Variants in EOGT observed in about 807,000 individuals in gnomAD.
The protein encoded by EOGT is EGF domain specific O-linked N-acetylglucosamine transferase.
A neutral mutation model predicts 70.5 loss-of-function variants in EOGT; 55 were observed. That is an observed-to-expected ratio of 0.78 (90% CI 0.63 to 0.98). The LOEUF is 0.98. Ranked by LOEUF, EOGT falls within the 50% of genes least tolerant of loss-of-function variation. The pLI, the probability that EOGT is intolerant of heterozygous loss-of-function variation, is 0.00. For missense variants in EOGT, 703 were observed against 641.9 expected (o/e 1.10, Z -1.03); for synonymous variants, 246 against 217.1 (o/e 1.13, Z -1.17).
At position 68,984,338 on chromosome 3, in the gene EOGT, G is replaced by A. The variant is rs554998776; in HGVS notation, c.1153-1466C>T. Among the ~76,000 whole-genome samples the A allele has an allele frequency of 5.3e-5, 8 of 152,272 alleles. No homozygotes were observed. The South Asian group carries it at 1.0e-3, about 20-fold the overall frequency. On this transcript the variant is annotated intron_variant, in intron 14 of 17. Coordinates refer to ENST00000383701, the MANE Select transcript of EOGT (RefSeq NM_001278689.2). Reference sequence around the variant, plus strand: ...AAGAAGATTAGAATTCTGTTTTACAGGAGAGATGGCAGATGGCATAAGCCT... The same window carrying A: ...AAGAAGATTAGAATTCTGTTTTACAAGAGAGATGGCAGATGGCATAAGCCT...
chr3:69,003,978 T>A (rs1241124023), intron 8 of EOGT, among the ~76,000 whole-genome samples: 4 of 152,208 alleles, frequency 2.6e-5, no homozygotes, highest in Admixed American at 2.6e-4. Flanking sequence ...GCTCAAGTAA[T>A]ACTTCTACCT....
intron 10 of EOGT, among the ~76,000 whole-genome samples, chr3:68,992,178 TAACTC>T (rs1259531544): frequency 2.0e-5 from 3 of 152,104 alleles, no homozygotes; most frequent in Admixed American, 6.6e-5. Flanking sequence ...CCAAAAGTCT[TAACTC>T]ATTTCAGCAC....
chr3:68,978,288 A>G (rs775981841), intron 17 of EOGT, 45 bp downstream of exon 17: 4 of 1,395,438 alleles, frequency 2.9e-6, no homozygotes, highest in African/African-American at 2.8e-5. Context: ...GATACTTTAA[A>G]CCAATTAAAA....
At position 68,981,915 on chromosome 3, in the gene EOGT, T is replaced by C. The variant is rs191316158; in HGVS notation, c.1214+896A>G. Among the ~76,000 whole-genome samples, 237 of 152,124 alleles carry C rather than the reference T, an allele frequency of 1.6e-3. 1 individual carries two copies. The highest frequency in any genetic ancestry group is 2.2e-3 in the Non-Finnish European group (150 of 67,992). ...TAAATTTTGAACTAGTTGCCAATTT[T>C]TTTTTTTTTGAGACAGAGCCTCGTA... On this transcript the variant is annotated intron_variant, in intron 15 of 17. Transcript: ENST00000383701.
chr3:69,001,429 T>C (rs2091290274), intron 9 of EOGT, among the ~76,000 whole-genome samples, 179 bp downstream of exon 9: 1 of 152,168 alleles, frequency 6.6e-6, no homozygotes, highest in Non-Finnish European at 1.5e-5. Context: ...AATGCCCAAG[T>C]TATAAAATAA....
intron 3 of EOGT, 76 bp from the exon 4 acceptor site, chr3:69,009,936 A>AACAAC (rs35412660): frequency 3.6e-6 from 2 of 551,130 alleles, no homozygotes; most frequent in Admixed American, 4.2e-5. Flanking sequence ...ACAACAACAA[A>AACAAC]AAAAAAAAAA....
chr3:69,004,501 T>C lies in EOGT; in HGVS notation c.516-19A>G, dbSNP rs2091388710. The C allele has an allele frequency of 1.3e-6, 2 of 1,568,736 alleles. No individual in the cohort carries two copies. The highest frequency in any genetic ancestry group is 1.7e-5 in the Admixed American group (1 of 59,694). ...CTTAAATCTGGTATATAACAAAACA[T>C]TAAGTTAAGTTCAGAAAACGTCTTC... is the stretch of plus-strand genomic sequence containing the variant. On this transcript the variant is annotated intron_variant, in intron 7 of 17. Coordinates refer to ENST00000383701, the MANE Select transcript of EOGT (RefSeq NM_001278689.2).
chr3:69,007,938 T>C, intron 5 of EOGT, 117 bp from the exon 6 acceptor site: 1 of 659,332 alleles, frequency 1.5e-6, no homozygotes, highest in Non-Finnish European at 2.5e-6. Context: ...TGTTACAGTA[T>C]ATTATCATAG....
chr3:68,979,772 T>G lies in EOGT; in HGVS notation c.1230A>C (p.Leu410Phe). The G allele has an allele frequency of 1.9e-6, 3 of 1,613,536 alleles. No homozygotes were observed. Among genetic ancestry groups the G allele is most frequent in the Non-Finnish European group, 2.5e-6 (3 of 1,179,606 alleles). Reference protein sequence around the residue: ...VDYKYRELGFLDQLRITHNTD... With the variant: ...VDYKYRELGFFDQLRITHNTD... Reference sequence around the variant, plus strand: ...TGTTGTGTGTGATCCTTAGTTGATCTAAAAACCCAAGTTCTCTGTGAACAT... The same window carrying G: ...TGTTGTGTGTGATCCTTAGTTGATCGAAAAACCCAAGTTCTCTGTGAACAT... Residue 410 changes from leucine (L) to phenylalanine (F), a missense_variant, in exon 16 of 18, where the codon TTA becomes TTC. Transcript: ENST00000383701.
At position 68,988,588 on chromosome 3, in the gene EOGT, A is replaced by C; in HGVS notation, c.925-11T>G. ...TTCTTTAAAACATACCTAAGAACAAAGATACATTAAAAGAAGATGTAATTT... is the reference window on the plus strand; with the variant it reads ...TTCTTTAAAACATACCTAAGAACAACGATACATTAAAAGAAGATGTAATTT... On this transcript the variant is annotated splice_polypyrimidine_tract_variant and intron_variant, in intron 11 of 17. Transcript: ENST00000383701. 6.7e-7 allele frequency: 1 copy of C among 1,496,294 alleles called. No homozygotes were observed. Among genetic ancestry groups the C allele is most frequent in the South Asian group, 1.2e-5 (1 of 80,732 alleles). 92.7% of individuals were successfully genotyped at this position (1,496,294 alleles called of 1,614,324 possible).
intron 15 of EOGT, among the ~76,000 whole-genome samples, chr3:68,981,573 C>T (rs770095277): frequency 2.0e-5 from 3 of 152,196 alleles, no homozygotes; most frequent in Non-Finnish European, 4.4e-5. Context: ...CAACCAGAAA[C>T]ATGTACTACT....
At chr3:69,004,844 A>T (rs2091396937) in intron 7 of EOGT, among the ~76,000 whole-genome samples, 2 of 152,058 alleles carry the variant, frequency 1.3e-5, no homozygotes, top group African/African-American at 4.8e-5. Flanking sequence ...TGAGAGGATC[A>T]CCTGAACTCA....
Position 69,004,293 on chromosome 3 carries a change from T to C in EOGT, c.620+85A>G, listed in dbSNP as rs35171227. On this transcript the variant is annotated intron_variant, in intron 8 of 17. Coordinates refer to ENST00000383701, the MANE Select transcript of EOGT (RefSeq NM_001278689.2). Reference sequence around the variant, plus strand: ...ATTATGTACAAATGAAGTAACATTTTCCATTTGAGAGTCTCCATTAATATC... The same window carrying C: ...ATTATGTACAAATGAAGTAACATTTCCCATTTGAGAGTCTCCATTAATATC... The C allele has an allele frequency of 0.15, 149,386 of 988,218 alleles. 12,957 individuals are homozygous for C. Among genetic ancestry groups the C allele is most frequent in the Middle Eastern group, 0.22 (966 of 4,436 alleles). 61.2% of individuals were successfully genotyped at this position (988,218 alleles called of 1,614,324 possible). A position where few individuals can be genotyped will look rare whatever the true frequency, so the allele number is the denominator to read the frequency against.
intron 16 of EOGT, among the ~76,000 whole-genome samples, chr3:68,978,756 A>G (rs1332413227): frequency 6.6e-6 from 1 of 152,180 alleles, no homozygotes; most frequent in Non-Finnish European, 1.5e-5. Flanking sequence ...GGGGATAGGT[A>G]ACACTTCCAA....
At chr3:69,003,161 T>C (rs1188294985) in intron 8 of EOGT, among the ~76,000 whole-genome samples, 4 of 152,194 alleles carry the variant, frequency 2.6e-5, no homozygotes, top group Non-Finnish European at 4.4e-5. Context: ...AAAATTTTAA[T>C]GAGTACAGGT....
In EOGT at chr3:69,013,678, C is replaced by G. The variant is rs927286589; in HGVS notation, c.-460G>C. ...CCGGCTACTGCCGCTCACCGGAAAC[C>G]TCGGGCGCGGGAGCTGGGCCAGGGG... On this transcript the variant is annotated 5_prime_UTR_variant, in exon 1 of 18. Coordinates refer to ENST00000383701, the MANE Select transcript of EOGT (RefSeq NM_001278689.2). 6.5e-6 allele frequency: 1 copy of G among 152,762 alleles called. No individual in the cohort carries two copies. The highest frequency in any genetic ancestry group is 1.5e-5 in the Non-Finnish European group (1 of 68,508). 9.5% of individuals were successfully genotyped at this position (152,762 alleles called of 1,614,324 possible). A position where few individuals can be genotyped will look rare whatever the true frequency, so the allele number is the denominator to read the frequency against.
intron 11 of EOGT, 48 bp downstream of exon 11, chr3:68,988,877 T>C (rs2090895387): frequency 2.0e-6 from 2 of 998,486 alleles, no homozygotes; most frequent in South Asian, 1.5e-5. Flanking sequence ...GAGTGAGTCA[T>C]CTGCACTCAA....
intron 9 of EOGT, among the ~76,000 whole-genome samples, chr3:69,000,259 A>G (rs1298800021): frequency 6.6e-6 from 1 of 152,156 alleles, no homozygotes; most frequent in East Asian, 1.9e-4. Context: ...AGACAGCATA[A>G]ATTAGAAGAA....
chr3:69,001,085 T>C (rs1442707997), intron 9 of EOGT, among the ~76,000 whole-genome samples: 1 of 151,740 alleles, frequency 6.6e-6, no homozygotes, highest in Non-Finnish European at 1.5e-5. Flanking sequence ...ACCTCCCGAG[T>C]AGCTGGGACT....
Sources: gnomAD v4.1 joint callset for allele counts (sites outside exome capture counted in the v4.1 genomes callset) on GRCh38, gnomAD v4.1.1 for gene constraint, MANE v1.5 for transcripts, NCBI Gene and HGNC (gene_info 2026-07-23, HGNC 2026-07-21) for gene names.